Variants in KCNK13 observed in about 807,000 individuals in gnomAD.
The protein encoded by KCNK13 is potassium two pore domain channel subfamily K member 13, also known as potassium channel subfamily K member 13.
KCNK13 carries 12 observed loss-of-function variants against 23.4 expected under a neutral mutation model. That is an observed-to-expected ratio of 0.51 (90% CI 0.33 to 0.83). KCNK13 has a LOEUF of 0.83. Ranked by LOEUF, KCNK13 falls within the 40% of genes least tolerant of loss-of-function variation. KCNK13 has a pLI of 0.02. For missense variants in KCNK13, 463 were observed against 556.3 expected, an observed-to-expected ratio of 0.83 and a Z score of 1.69; for synonymous variants, 231 against 229.5, an observed-to-expected ratio of 1.01 and a Z score of -0.06.
intron 1 of KCNK13, among the ~76,000 whole-genome samples, chr14:90,086,271 A>G (rs1889275164): frequency 6.6e-6 from 1 of 152,198 alleles, no homozygotes; most frequent in South Asian, 2.1e-4. Flanking sequence ...CTCCTGTGGT[A>G]CTATACAAAG....
chr14:90,151,064 T>A (rs985088246), intron 1 of KCNK13, among the ~76,000 whole-genome samples: 1 of 152,170 alleles, frequency 6.6e-6, no homozygotes, highest in Non-Finnish European at 1.5e-5. Context: ...TTCACCTCCC[T>A]GATTGTAAGT....
intron 1 of KCNK13, among the ~76,000 whole-genome samples, chr14:90,068,106 A>C (rs1889029354): frequency 6.6e-6 from 1 of 152,124 alleles, no homozygotes; most frequent in Non-Finnish European, 1.5e-5. Context: ...TAGAAGGGGA[A>C]GAAAGGGCTG....
intron 1 of KCNK13, among the ~76,000 whole-genome samples, chr14:90,117,648 A>G (rs1447800352): frequency 6.6e-6 from 1 of 152,194 alleles, no homozygotes; most frequent in Non-Finnish European, 1.5e-5. Context: ...ATTTTGGACC[A>G]TAGTTGACCA....
Position 90,074,246 on chromosome 14 carries a change from G to A in KCNK13, c.334+11707G>A, listed in dbSNP as rs576259283. On this transcript the variant is annotated intron_variant, in intron 1 of 1. Transcript: ENST00000282146. ...GCCTCCCAAGGTGCTGGGATTACAG[G>A]CATTGAGCCACGCCTGGCCTCAAGT... 2.0e-4 allele frequency among the ~76,000 whole-genome samples: 30 copies of A among 152,332 alleles called. 1 individual carries two copies. The highest frequency in any genetic ancestry group is 4.1e-4 in the South Asian group (2 of 4,832).
At chr14:90,140,725 G>A (rs867797728) in intron 1 of KCNK13, among the ~76,000 whole-genome samples, 2 of 152,144 alleles carry the variant, frequency 1.3e-5, no homozygotes, top group South Asian at 4.2e-4. Flanking sequence ...TGGGAACTGC[G>A]GATAAATGTG....
chr14:90,089,892 A>G (rs1445000237), intron 1 of KCNK13, among the ~76,000 whole-genome samples: 1 of 152,246 alleles, frequency 6.6e-6, no homozygotes, highest in African/African-American at 2.4e-5. Context: ...GCAGGTGCAC[A>G]GAAGTCAAGA....
chr14:90,154,559 C>T (rs1487117404), intron 1 of KCNK13, among the ~76,000 whole-genome samples: 2 of 152,316 alleles, frequency 1.3e-5, no homozygotes, highest in Non-Finnish European at 2.9e-5. Context: ...CAGTCTGTTT[C>T]CTGGTCAGCC....
intron 1 of KCNK13, among the ~76,000 whole-genome samples, chr14:90,108,858 A>G (rs1889577588): frequency 6.6e-6 from 1 of 152,194 alleles, no homozygotes; most frequent in Non-Finnish European, 1.5e-5. Context: ...GTATCTCTGA[A>G]AGAGCCCCCA....
At chr14:90,068,155 T>C (rs1889030129) in intron 1 of KCNK13, among the ~76,000 whole-genome samples, 2 of 152,068 alleles carry the variant, frequency 1.3e-5, no homozygotes, top group South Asian at 4.1e-4. Flanking sequence ...CACCACCACC[T>C]GCAAGTAGCA....
At chr14:90,162,883 G>T (rs1890265881) in intron 1 of KCNK13, among the ~76,000 whole-genome samples, 1 of 152,030 alleles carries the variant, frequency 6.6e-6, no homozygotes, top group Non-Finnish European at 1.5e-5. Flanking sequence ...AAGACAAAGG[G>T]TTAACGTTCT....
At chr14:90,075,903 G>T (rs1382706207) in intron 1 of KCNK13, among the ~76,000 whole-genome samples, 1 of 152,186 alleles carries the variant, frequency 6.6e-6, no homozygotes, top group East Asian at 1.9e-4. Flanking sequence ...AGCTTTGCTT[G>T]TGCCTTCAGA....
rs1429460505 is a variant in KCNK13, at chr14:90,062,373, C to A, written c.168C>A (p.Arg56=). The change falls in exon 1 of 2, where the codon CGC becomes CGA. Residue 56 remains arginine (R), a synonymous_variant. Transcript: ENST00000282146. The surrounding 1 kb of genome is among the most constrained non-coding windows in gnomAD (Gnocchi z 4.5). ...AGGCCAAGCAGCGCTGGGAGGAGCGCCTGGCCAACTTCAGCCGCGGCCACA... is the reference window on the plus strand; with the variant it reads ...AGGCCAAGCAGCGCTGGGAGGAGCGACTGGCCAACTTCAGCCGCGGCCACA... ...ERQAKQRWEE[R]LANFSRGHNL... 1 of 1,554,602 alleles carries A rather than the reference C, an allele frequency of 6.4e-7. No homozygotes were observed. The highest frequency in any genetic ancestry group is 1.9e-5 in the Admixed American group (1 of 52,104).
intron 1 of KCNK13, among the ~76,000 whole-genome samples, chr14:90,153,349 AT>A (rs1244113535): frequency 2.0e-5 from 3 of 152,182 alleles, no homozygotes; most frequent in Admixed American, 6.5e-5. Context: ...ACCATGAGCA[AT>A]TTCTTTTACC....
At chr14:90,078,103 C>G (rs1889161496) in intron 1 of KCNK13, among the ~76,000 whole-genome samples, 1 of 152,054 alleles carries the variant, frequency 6.6e-6, no homozygotes, top group African/African-American at 2.4e-5. Flanking sequence ...AGACTGTGAC[C>G]CAGTAACAGC....
chr14:90,172,610 T>C (rs755360960), intron 1 of KCNK13, among the ~76,000 whole-genome samples: 4 of 143,904 alleles, frequency 2.8e-5, no homozygotes, highest in Non-Finnish European at 4.5e-5. Flanking sequence ...GTGTAAAGTG[T>C]TACACTGATG....
chr14:90,101,080 G>A (rs1317551937), intron 1 of KCNK13, among the ~76,000 whole-genome samples: 1 of 152,106 alleles, frequency 6.6e-6, no homozygotes, highest in African/African-American at 2.4e-5. Flanking sequence ...TGTCATTCGA[G>A]GTACTTCAAT....
chr14:90,171,201 T>A (rs937769448), intron 1 of KCNK13, among the ~76,000 whole-genome samples: 3 of 152,220 alleles, frequency 2.0e-5, no homozygotes, highest in Non-Finnish European at 2.9e-5. Context: ...CTCTTCTCTG[T>A]AGGGCTGAGA....
At chr14:90,066,021 T>C (rs2140385931) in intron 1 of KCNK13, among the ~76,000 whole-genome samples, 1 of 152,326 alleles carries the variant, frequency 6.6e-6, no homozygotes, top group East Asian at 1.9e-4. Flanking sequence ...TTGAGTGCAG[T>C]GGCACAATCT....
At chr14:90,107,949 G>T (rs1889566735) in intron 1 of KCNK13, 1 of 738,544 alleles carries the variant, frequency 1.4e-6, no homozygotes, top group African/African-American at 1.7e-5. Flanking sequence ...ATGCAATAGA[G>T]TGGGGAACTG....
Sources: allele counts gnomAD v4.1 joint callset (sites outside exome capture counted in the v4.1 genomes callset), GRCh38; gene constraint gnomAD v4.1.1; non-coding constraint Gnocchi (gnomAD v3.1); transcripts MANE v1.5; gene names NCBI Gene and HGNC (gene_info 2026-07-23, HGNC 2026-07-21).